Variants in CADPS2 observed in about 807,000 individuals in gnomAD.
The protein encoded by CADPS2 is calcium-dependent secretion activator 2.
Under a neutral mutation model 172.5 loss-of-function variants are expected in CADPS2, and 93 were observed. That is an observed-to-expected ratio of 0.54 (90% confidence interval 0.46 to 0.64). CADPS2 has a LOEUF of 0.64. Ranked by LOEUF, CADPS2 falls within the 30% of genes least tolerant of loss-of-function variation. The probability of loss-of-function intolerance (pLI) is 0.00; values close to 1 mark genes in which losing one functional copy is unlikely to be tolerated. For synonymous variants in CADPS2, 546 were observed against 555.2 expected (o/e 0.98, Z 0.23); for missense variants, 1,420 against 1,565.9 (o/e 0.91, Z 1.57).
At chr7:122,756,986 C>G (rs1589015460) in intron 1 of CADPS2, among the ~76,000 whole-genome samples, 2 of 152,008 alleles carry the variant, frequency 1.3e-5, no homozygotes, top group African/African-American at 4.8e-5. Flanking sequence ...ATGAAAGGAA[C>G]CACCACACTG....
At chr7:122,560,155 C>CA (rs1480920095) in intron 7 of CADPS2, among the ~76,000 whole-genome samples, 1 of 151,942 alleles carries the variant, frequency 6.6e-6, no homozygotes, top group African/African-American at 2.4e-5. Flanking sequence ...TTTAAGTTGG[C>CA]AAAATCAGGT....
chr7:122,879,364 C>T (rs938177169), intron 1 of CADPS2, among the ~76,000 whole-genome samples: 2 of 151,468 alleles, frequency 1.3e-5, no homozygotes, highest in African/African-American at 2.4e-5. Flanking sequence ...GGTGAAACCC[C>T]GTCTCTACCA....
chr7:122,880,507 C>G (rs1026108716), intron 1 of CADPS2, among the ~76,000 whole-genome samples: 1 of 152,166 alleles, frequency 6.6e-6, no homozygotes, highest in Non-Finnish European at 1.5e-5. Flanking sequence ...TATTAGTAAT[C>G]TCACTTGTTA....
chr7:122,611,759 C>G (rs1415539304), intron 6 of CADPS2, among the ~76,000 whole-genome samples: 2 of 151,868 alleles, frequency 1.3e-5, no homozygotes, highest in Non-Finnish European at 2.9e-5. Context: ...AGATATCACA[C>G]AAAAAAATTA....
chr7:122,805,296 A>G (rs1398508347), intron 1 of CADPS2, among the ~76,000 whole-genome samples: 1 of 152,126 alleles, frequency 6.6e-6, no homozygotes, highest in African/African-American at 2.4e-5. Context: ...AGTAGCTGGG[A>G]CTACAGGCAC....
chr7:122,480,296 A>AG (rs1473400927), intron 12 of CADPS2, among the ~76,000 whole-genome samples: 1 of 128,514 alleles, frequency 7.8e-6, no homozygotes, highest in Non-Finnish European at 1.7e-5. Context: ...TAGATTTTAT[A>AG]ATTTTTTTTT....
intron 3 of CADPS2, among the ~76,000 whole-genome samples, chr7:122,636,665 C>T (rs920994434): frequency 2.6e-5 from 4 of 152,038 alleles, no homozygotes; most frequent in Non-Finnish European, 1.5e-5. Context: ...AAGGTTTCAC[C>T]ATGTTGACCA....
chr7:122,679,050 C>G (rs770293640), intron 2 of CADPS2, among the ~76,000 whole-genome samples: 1 of 151,994 alleles, frequency 6.6e-6, no homozygotes, highest in Non-Finnish European at 1.5e-5. Context: ...AAAGCATGTG[C>G]GTTTGAACAA....
intron 1 of CADPS2, among the ~76,000 whole-genome samples, chr7:122,751,134 G>A (rs1431184645): frequency 6.6e-6 from 1 of 152,024 alleles, no homozygotes; most frequent in Non-Finnish European, 1.5e-5. Context: ...TAAGATATAG[G>A]CATTTCTCTT....
chr7:122,442,775 GTCAC>G (rs906320014), intron 15 of CADPS2, among the ~76,000 whole-genome samples: 3 of 151,502 alleles, frequency 2.0e-5, no homozygotes, highest in African/African-American at 4.9e-5. Flanking sequence ...TATAAATCTA[GTCAC>G]TCAAGTTTTT....
intron 7 of CADPS2, among the ~76,000 whole-genome samples, chr7:122,569,543 T>C (rs1470778324): frequency 3.0e-5 from 4 of 135,190 alleles, no homozygotes; most frequent in African/African-American, 6.3e-5. Context: ...TTAAAGTTCA[T>C]ATGGAACCAA....
At chr7:122,442,441 G>A (rs954029780) in intron 15 of CADPS2, among the ~76,000 whole-genome samples, 1 of 152,124 alleles carries the variant, frequency 6.6e-6, no homozygotes, top group Non-Finnish European at 1.5e-5. Context: ...GCTGTACTTA[G>A]GATGGCACCT....
At position 122,645,523 on chromosome 7, in the gene CADPS2, T is replaced by TC. The variant is rs1563950684; in HGVS notation, c.787-16196_787-16195insG. Among the ~76,000 whole-genome samples the TC allele has an allele frequency of 3.1e-4, 39 of 126,070 alleles. 1 individual carries two copies. The highest frequency in any genetic ancestry group is 1.0e-4 in the Non-Finnish European group (6 of 59,006). The allele number at this position is 126,070 out of a possible 152,430, so 82.7% of individuals were successfully genotyped here. The stretch of plus-strand genomic sequence containing the variant: ...ATAAGTATATATATACTTATATATA[T>TC]ATAAGTATATATATATACTTATATA... On this transcript the variant is annotated intron_variant, in intron 3 of 29. Transcript: ENST00000449022.
At chr7:122,693,479 C>T (rs1238360701) in intron 2 of CADPS2, among the ~76,000 whole-genome samples, 1 of 152,194 alleles carries the variant, frequency 6.6e-6, no homozygotes, top group Admixed American at 6.5e-5. Flanking sequence ...GAACAGTCCT[C>T]TGGCAGTGGT....
intron 2 of CADPS2, among the ~76,000 whole-genome samples, chr7:122,730,574 A>G (rs2091542520): frequency 6.6e-6 from 1 of 151,762 alleles, no homozygotes; most frequent in Non-Finnish European, 1.5e-5. Flanking sequence ...ATGATTTATT[A>G]TGCATTTACT....
chr7:122,773,110 C>T lies in CADPS2; in HGVS notation c.340-36042G>A, dbSNP rs1435272884. ...GAATTGCTAAATTATTTCAAATGTC[C>T]AATTGTTCTAGTAATGAAAAGAAAG... On this transcript the variant is annotated intron_variant, in intron 1 of 29. Transcript: ENST00000449022. Among the ~76,000 whole-genome samples the T allele has an allele frequency of 2.0e-5, 3 of 151,874 alleles. No individual in the cohort carries two copies. The East Asian group carries it at 5.8e-4, about 29-fold the overall frequency.
intron 1 of CADPS2, among the ~76,000 whole-genome samples, chr7:122,838,164 A>G (rs1217137952): frequency 6.6e-6 from 1 of 152,192 alleles, no homozygotes; most frequent in Non-Finnish European, 1.5e-5. Flanking sequence ...TATAAACAGA[A>G]CCAAAGACAA....
intron 23 of CADPS2, 48 bp downstream of exon 23, chr7:122,388,535 T>A (rs760905110): frequency 6.6e-7 from 1 of 1,517,320 alleles, no homozygotes; most frequent in Non-Finnish European, 8.9e-7. Flanking sequence ...AAAAGTGATA[T>A]TTTTGGGTGC....
chr7:122,790,574 A>T (rs1563024365), intron 1 of CADPS2, among the ~76,000 whole-genome samples: 1 of 152,142 alleles, frequency 6.6e-6, no homozygotes, highest in South Asian at 2.1e-4. Flanking sequence ...GAACTACAGG[A>T]CTTAAAAATA....
Sources: allele counts gnomAD v4.1 joint callset (sites outside exome capture counted in the v4.1 genomes callset), GRCh38; gene constraint gnomAD v4.1.1; transcripts MANE v1.5; gene names NCBI Gene and HGNC (gene_info 2026-07-23, HGNC 2026-07-21).